The following CDH8 variants were observed in gnomAD, a reference collection of about 807,000 sequenced individuals.
The protein encoded by CDH8 is cadherin 8, also known as cadherin-8.
CDH8 carries 17 observed loss-of-function variants against 68.1 expected under a neutral mutation model. The observed-to-expected ratio is 0.25, with a 90% CI of 0.17 to 0.37. CDH8 has a LOEUF of 0.37. CDH8 is among the 10% of genes least tolerant of loss of function. The pLI is 1.00. For synonymous variants in CDH8, 372 were observed against 365.1 expected, an observed-to-expected ratio of 1.02 and a Z score of -0.21; for missense variants, 763 against 999.3, an observed-to-expected ratio of 0.76 and a Z score of 3.19.
chr16:61,809,658 C>T (rs554827647), intron 7 of CDH8, among the ~76,000 whole-genome samples: 19 of 152,120 alleles, frequency 1.2e-4, no homozygotes, highest in Non-Finnish European at 2.2e-4. Context: ...AGTCTATTGG[C>T]AGAAAGCATC....
chr16:61,903,538 C>T (rs1172551883), intron 2 of CDH8, among the ~76,000 whole-genome samples: 2 of 152,122 alleles, frequency 1.3e-5, no homozygotes, highest in Non-Finnish European at 2.9e-5. Flanking sequence ...GTCTTGATCT[C>T]CTGACCTTGT....
chr16:61,731,848 A>T (rs1000772666), intron 8 of CDH8, among the ~76,000 whole-genome samples: 7 of 151,866 alleles, frequency 4.6e-5, no homozygotes, highest in African/African-American at 1.7e-4. Flanking sequence ...ATATATTTAA[A>T]AAGGCATAAT....
intron 8 of CDH8, among the ~76,000 whole-genome samples, chr16:61,730,014 CAT>C (rs1959490062): frequency 2.7e-5 from 4 of 150,716 alleles, no homozygotes; most frequent in Middle Eastern, 3.4e-3. Flanking sequence ...CACACACACT[CAT>C]ATCTACACAC....
chr16:61,670,592 G>A (rs936053354), intron 10 of CDH8, among the ~76,000 whole-genome samples: 2 of 151,718 alleles, frequency 1.3e-5, no homozygotes, highest in African/African-American at 4.8e-5. Context: ...AAAACACCAC[G>A]TTGTACCCCA....
chr16:61,852,153 T>C (rs992322942), intron 4 of CDH8, among the ~76,000 whole-genome samples: 3 of 152,106 alleles, frequency 2.0e-5, no homozygotes, highest in African/African-American at 7.2e-5. Flanking sequence ...AAGTTCTTGT[T>C]CTGTTCTTTT....
rs1403376513 is a variant in CDH8 at position 61,790,353 on chromosome 16, CCTG to C, written c.1278-874_1278-872del. On this transcript the variant is annotated intron_variant, in intron 7 of 11. Transcript: ENST00000577390. ...CTTTTTTATACACCAAGATTCATTT[CCTG>C]GCTATGGAATGCTGGACCCAATAAT... 1.1e-4 allele frequency among the ~76,000 whole-genome samples: 17 copies of C among 152,068 alleles called. No individual in the cohort carries two copies. The South Asian group carries it at 1.9e-3, about 17-fold the overall frequency.
rs1211925362 is a variant in CDH8, at chr16:61,655,521, G to C, written c.1855C>G (p.Leu619Val). Residue 619 changes from leucine (L) to valine (V), a missense_variant, in exon 11 of 12, where the codon CTC (leucine) becomes GTC (valine). Around this residue, in one of 2 missense-constraint regions of CDH8, gnomAD observed 397 missense variants for 436.2 expected, o/e 0.91. Coordinates refer to ENST00000577390, the MANE Select transcript of CDH8 (RefSeq NM_001796.5). The stretch of plus-strand genomic sequence containing the variant: ...ATGGCAATTAAGGCGCCCATACTGA[G>C]TCCAATTGGAAGGACATAAGCTTCG... ...NVEAYVLPIG[L>V]SMGALIAILA... 2 of 1,613,940 alleles carry C rather than the reference G, an allele frequency of 1.2e-6. No homozygotes were observed. The highest frequency in any genetic ancestry group is 2.2e-5 in the South Asian group (2 of 91,082).
At chr16:61,719,128 A>ATTT (rs34234878) in intron 9 of CDH8, among the ~76,000 whole-genome samples, 1 of 139,534 alleles carries the variant, frequency 7.2e-6, no homozygotes. Context: ...TGAGCTCACC[A>ATTT]TTTTTTTTTT....
chr16:61,777,273 T>C (rs1567465434), intron 8 of CDH8, among the ~76,000 whole-genome samples: 1 of 152,152 alleles, frequency 6.6e-6, no homozygotes, highest in Non-Finnish European at 1.5e-5. Flanking sequence ...CTTCCTTTAA[T>C]ATGGTACTAC....
chr16:61,768,311 C>CTCTCTCTCTCTCTCTCTCTCT (rs1567461041), intron 8 of CDH8, among the ~76,000 whole-genome samples: 1 of 16,390 alleles, frequency 6.1e-5, no homozygotes, highest in Non-Finnish European at 1.2e-4. Context: ...TGTGTCTCTC[C>CTCTCTCTCTCTCTCTCTCTCT]CTTTCTCTCT....
intron 2 of CDH8, among the ~76,000 whole-genome samples, chr16:62,013,364 C>T (rs865937030): frequency 6.7e-5 from 10 of 150,066 alleles, no homozygotes; most frequent in Non-Finnish European, 1.5e-4. Flanking sequence ...GAAAAAATAG[C>T]GGTAGAATGA....
intron 4 of CDH8, among the ~76,000 whole-genome samples, chr16:61,853,690 G>A (rs1017418706): frequency 6.6e-6 from 1 of 152,198 alleles, no homozygotes; most frequent in Admixed American, 6.6e-5. Flanking sequence ...GGTGCTCTCA[G>A]AGGTATGTGG....
At chr16:61,735,369 T>C (rs187169845) in intron 8 of CDH8, among the ~76,000 whole-genome samples, 327 of 152,246 alleles carry the variant, frequency 2.1e-3, no homozygotes, top group Non-Finnish European at 3.5e-3. Context: ...AACAGAGATA[T>C]GCGACATTAA....
At chr16:61,970,516 CATAA>C (rs1965320413) in intron 2 of CDH8, among the ~76,000 whole-genome samples, 2 of 152,096 alleles carry the variant, frequency 1.3e-5, no homozygotes, top group South Asian at 2.1e-4. Flanking sequence ...GTCAATTATA[CATAA>C]ATAAAGCTGA....
intron 2 of CDH8, among the ~76,000 whole-genome samples, chr16:61,913,631 A>G (rs1208357450): frequency 2.0e-5 from 3 of 152,080 alleles, no homozygotes; most frequent in Admixed American, 1.3e-4. Context: ...GTGCATGTGT[A>G]CGTTTCTCCC....
chr16:61,978,050 G>T (rs1965469934), intron 2 of CDH8, among the ~76,000 whole-genome samples: 1 of 152,108 alleles, frequency 6.6e-6, no homozygotes, highest in Non-Finnish European at 1.5e-5. Flanking sequence ...TTCATGCTCA[G>T]TTTAAGTCCA....
At chr16:61,753,795 G>A (rs933831867) in intron 8 of CDH8, among the ~76,000 whole-genome samples, 11 of 152,052 alleles carry the variant, frequency 7.2e-5, no homozygotes, top group Admixed American at 5.9e-4. Context: ...TATGTACCAT[G>A]TCAGAAACAA....
chr16:61,789,590 AT>A (rs1961330366), intron 7 of CDH8, 108 bp from the exon 8 acceptor site: 1 of 1,036,518 alleles, frequency 9.6e-7, no homozygotes, highest in Non-Finnish European at 1.4e-6. Context: ...AATCAAATGA[AT>A]TGGGAAACTC....
At chr16:61,968,213 A>G (rs1255673244) in intron 2 of CDH8, among the ~76,000 whole-genome samples, 2 of 152,222 alleles carry the variant, frequency 1.3e-5, no homozygotes, top group Admixed American at 6.5e-5. Flanking sequence ...TTACAAATGA[A>G]TAGAAATTTA....
Sources: gnomAD v4.1 joint callset for allele counts (sites outside exome capture counted in the v4.1 genomes callset) on GRCh38, gnomAD v4.1.1 for gene constraint, gnomAD v4.1.1 regional missense constraint, MANE v1.5 for transcripts, NCBI Gene and HGNC (gene_info 2026-07-23, HGNC 2026-07-21) for gene names.